Variants in TNFRSF19 observed in about 807,000 individuals in gnomAD.
The protein encoded by TNFRSF19 is TNF receptor superfamily member 19, also known as tumor necrosis factor receptor superfamily member 19.
A neutral mutation model predicts 46.4 loss-of-function variants in TNFRSF19; 27 were observed. The observed-to-expected ratio is 0.58, with a 90% CI of 0.43 to 0.80. The LOEUF (loss-of-function observed/expected upper bound fraction) is 0.80. TNFRSF19 is among the 30% of genes least tolerant of loss of function. TNFRSF19 has a pLI of 0.00. For missense variants in TNFRSF19, 511 were observed against 530.8 expected, an observed-to-expected ratio of 0.96 and a Z score of 0.37; for synonymous variants, 204 against 205.0, an observed-to-expected ratio of 1.00 and a Z score of 0.04.
chr13:23,583,565 T>C (rs1878614663), intron 1 of TNFRSF19, among the ~76,000 whole-genome samples: 1 of 152,204 alleles, frequency 6.6e-6, no homozygotes. Context: ...AGAGAACAAC[T>C]ACCCATCAGC....
At chr13:23,592,590 G>C (rs6490808) in intron 2 of TNFRSF19, among the ~76,000 whole-genome samples, 22,090 of 152,222 alleles carry the variant, frequency 0.15, 2,014 homozygotes, top group African/African-American at 0.24. Context: ...CAGTGGCTCA[G>C]TGGTAATCAG....
chr13:23,574,044 A>C (rs1877796943), intron 1 of TNFRSF19, among the ~76,000 whole-genome samples: 1 of 140,072 alleles, frequency 7.1e-6, no homozygotes, highest in African/African-American at 2.8e-5. Flanking sequence ...CCTGGGTGAC[A>C]GAGTGAGACT....
intron 5 of TNFRSF19, among the ~76,000 whole-genome samples, chr13:23,635,701 C>T (rs1445908140): frequency 1.3e-5 from 2 of 152,066 alleles, no homozygotes; most frequent in African/African-American, 4.8e-5. Context: ...TTAATTGCTT[C>T]ATTTATTATT....
At chr13:23,603,458 TTC>T (rs1371985374) in intron 3 of TNFRSF19, among the ~76,000 whole-genome samples, 1 of 152,000 alleles carries the variant, frequency 6.6e-6, no homozygotes, top group Non-Finnish European at 1.5e-5. Context: ...AGAAAATACT[TTC>T]TAACTCATTC....
chr13:23,592,708 T>C (rs1879403801), intron 2 of TNFRSF19, among the ~76,000 whole-genome samples: 1 of 152,228 alleles, frequency 6.6e-6, no homozygotes, highest in Admixed American at 6.5e-5. Context: ...ACTGGTGTCC[T>C]GATTGTTAGA....
chr13:23,666,542 G>C (rs1409370966), intron 7 of TNFRSF19, among the ~76,000 whole-genome samples: 1 of 152,146 alleles, frequency 6.6e-6, no homozygotes, highest in East Asian at 1.9e-4. Flanking sequence ...CCTTCAGGCT[G>C]GCTCATGTGC....
At chr13:23,647,133 T>C (rs982075281) in intron 5 of TNFRSF19, among the ~76,000 whole-genome samples, 1 of 152,170 alleles carries the variant, frequency 6.6e-6, no homozygotes, top group Non-Finnish European at 1.5e-5. Context: ...TGTTTGTCTG[T>C]TTTTTGTTGT....
chr13:23,626,141 A>T (rs1487181503), intron 4 of TNFRSF19, among the ~76,000 whole-genome samples: 1 of 151,244 alleles, frequency 6.6e-6, no homozygotes, highest in African/African-American at 2.4e-5. Context: ...CCTATTATTG[A>T]TGATGCTATA....
chr13:23,630,522 T>G (rs1882291513), intron 5 of TNFRSF19, among the ~76,000 whole-genome samples: 1 of 152,134 alleles, frequency 6.6e-6, no homozygotes, highest in South Asian at 2.1e-4. Flanking sequence ...GTCTGGGCAC[T>G]AATGGCATTA....
chr13:23,632,529 CCTT>C (rs1882416660), intron 5 of TNFRSF19, among the ~76,000 whole-genome samples: 1 of 152,148 alleles, frequency 6.6e-6, no homozygotes. Flanking sequence ...TACTGTTGCT[CCTT>C]CTCCCCTTCC....
In TNFRSF19 at chr13:23,668,879, A is replaced by G; in HGVS notation, c.1027A>G (p.Ser343Gly). ...DIHSLNPELE[S>G]STSLDSNSSQ... ...TCATTCTCTCAATCCAGAACTTGAA[A>G]GCTCAACGTCTTTGGATTCAAATAG... The change falls in exon 9 of 10, where the codon AGC becomes GGC. Residue 343 changes from serine to glycine, a missense_variant. Physicochemically the swap from Ser to Gly is moderately conservative, Grantham distance 56. Around this residue, in one of 3 missense-constraint regions of TNFRSF19, gnomAD observed 376 missense variants for 372.7 expected, o/e 1.01. Transcript: ENST00000248484. 1 of 1,614,262 alleles carries G rather than the reference A, an allele frequency of 6.2e-7. No individual in the cohort carries two copies. The highest frequency in any genetic ancestry group is 1.1e-5 in the South Asian group (1 of 91,084).
intron 7 of TNFRSF19, among the ~76,000 whole-genome samples, chr13:23,662,238 A>C (rs1460807074): frequency 1.3e-5 from 2 of 152,164 alleles, no homozygotes; most frequent in East Asian, 3.9e-4. Flanking sequence ...GTCCAGTTTT[A>C]ATCTTTGGCA....
intron 9 of TNFRSF19, among the ~76,000 whole-genome samples, chr13:23,672,444 G>T (rs947895676): frequency 2.0e-4 from 30 of 152,094 alleles, no homozygotes; most frequent in African/African-American, 7.2e-4. Context: ...GAGGACCCTG[G>T]GTTCTAGTGT....
intron 1 of TNFRSF19, among the ~76,000 whole-genome samples, chr13:23,582,685 A>G (rs1425321947): frequency 6.6e-6 from 1 of 152,232 alleles, no homozygotes; most frequent in African/African-American, 2.4e-5. Flanking sequence ...AAGTTTCCTT[A>G]CAACTCGTTG....
At chr13:23,619,882 G>A (rs563021843) in intron 4 of TNFRSF19, among the ~76,000 whole-genome samples, 91 of 152,210 alleles carry the variant, frequency 6.0e-4, no homozygotes, top group Non-Finnish European at 1.2e-3. Context: ...GAGTAGGGGA[G>A]CAGGTCTGCC....
chr13:23,579,615 G>A (rs1878247625), intron 1 of TNFRSF19: 1 of 152,282 alleles, frequency 6.6e-6, no homozygotes, highest in Non-Finnish European at 1.5e-5. Flanking sequence ...TGGGAGCCGG[G>A]AGTGGAGGCG....
At chr13:23,617,762 A>G (rs1017880469) in intron 4 of TNFRSF19, among the ~76,000 whole-genome samples, 2 of 152,204 alleles carry the variant, frequency 1.3e-5, no homozygotes, top group Non-Finnish European at 2.9e-5. Context: ...ACTTTTCACA[A>G]TGTTTTAAGA....
intron 3 of TNFRSF19, chr13:23,594,090 A>G (rs925079203): frequency 6.2e-6 from 2 of 323,268 alleles, no homozygotes; most frequent in South Asian, 4.7e-5. Context: ...CGCTTTTCCC[A>G]TTGTCTGTGC....
At position 23,591,790 on chromosome 13, in the gene TNFRSF19, A is replaced by T. The variant is rs560465368; in HGVS notation, c.69+1538A>T. The stretch of plus-strand genomic sequence containing the variant: ...CACCAGGCTGGAGTGCAGTGGTGCG[A>T]TCTTGGCTCACTGCAACCTCCGCTT... On this transcript the variant is annotated intron_variant, in intron 2 of 9. Transcript: ENST00000248484. Among the ~76,000 whole-genome samples the T allele has an allele frequency of 9.3e-4, 136 of 146,430 alleles. 1 individual carries two copies. The highest frequency in any genetic ancestry group is 3.2e-3 in the African/African-American group (125 of 39,118).
Sources: allele counts gnomAD v4.1 joint callset (sites outside exome capture counted in the v4.1 genomes callset), GRCh38; gene constraint gnomAD v4.1.1; regional missense constraint gnomAD v4.1.1; transcripts MANE v1.5; gene names NCBI Gene and HGNC (gene_info 2026-07-23, HGNC 2026-07-21).